The following CTNNA2 variants were observed in gnomAD, a reference collection of about 807,000 sequenced individuals.
CTNNA2 encodes the protein catenin alpha-2.
A neutral mutation model predicts 101.0 loss-of-function variants in CTNNA2; 42 were observed. That is an observed-to-expected ratio of 0.42 (90% CI 0.32 to 0.54). CTNNA2 has a LOEUF of 0.54. CTNNA2 is among the 20% of genes least tolerant of loss of function. The probability of loss-of-function intolerance (pLI) is 0.14; values close to 1 mark genes in which losing one functional copy is unlikely to be tolerated. For missense variants in CTNNA2, 871 were observed against 1,223.1 expected, an observed-to-expected ratio of 0.71 and a Z score of 4.29; for synonymous variants, 450 against 456.4, an observed-to-expected ratio of 0.99 and a Z score of 0.18.
chr2:80,056,328 A>G (rs2104356184), intron 7 of CTNNA2, among the ~76,000 whole-genome samples: 1 of 152,304 alleles, frequency 6.6e-6, no homozygotes, highest in African/African-American at 2.4e-5. Context: ...AATTTCCTTC[A>G]CACCAACCTA....
At chr2:79,659,317 G>A (rs1681848477) in intron 2 of CTNNA2, among the ~76,000 whole-genome samples, 1 of 151,356 alleles carries the variant, frequency 6.6e-6, no homozygotes, top group South Asian at 2.1e-4. Flanking sequence ...TATAAAGTGA[G>A]GCATCATTAT....
chr2:79,335,843 C>A (rs1386614366), intron 3 of CTNNA2, among the ~76,000 whole-genome samples: 3 of 152,098 alleles, frequency 2.0e-5, no homozygotes, highest in Non-Finnish European at 4.4e-5. Context: ...AAAAGTTCAC[C>A]CCAGCCAACT....
intron 2 of CTNNA2, among the ~76,000 whole-genome samples, chr2:79,251,425 C>T (rs145381900): frequency 3.7e-4 from 57 of 152,300 alleles, no homozygotes; most frequent in Middle Eastern, 3.4e-3. Context: ...CTCATCCTCA[C>T]CTCCTGGTAC....
At position 80,374,683 on chromosome 2, in the gene CTNNA2, G is replaced by A. The variant is rs189583925; in HGVS notation, c.1057-18528G>A. 7.7e-3 allele frequency among the ~76,000 whole-genome samples: 744 copies of A among 96,472 alleles called. 2 individuals carry two copies. The highest frequency in any genetic ancestry group is 0.029 in the Middle Eastern group (5 of 174). 63.3% of individuals were successfully genotyped at this position (96,472 alleles called of 152,430 possible). On this transcript the variant is annotated intron_variant, in intron 7 of 18. Transcript: ENST00000402739. ...GTCTTTCCTCTGCGTGCGTGCGTGC[G>A]TGTGTGTGTGTGTGTGTGTGTGTGT...
chr2:79,919,287 C>T (rs935256812), intron 7 of CTNNA2, among the ~76,000 whole-genome samples: 1 of 152,250 alleles, frequency 6.6e-6, no homozygotes, highest in East Asian at 1.9e-4. Context: ...TGAACTCTTC[C>T]TGGTAACAGA....
intron 2 of CTNNA2, among the ~76,000 whole-genome samples, chr2:79,692,408 T>C (rs1399110284): frequency 1.3e-5 from 2 of 152,144 alleles, no homozygotes; most frequent in Non-Finnish European, 2.9e-5. Context: ...AGGAATGCTT[T>C]TACACGGTTG....
Position 80,574,219 on chromosome 2 carries a change from G to A in CTNNA2, c.1798G>A (p.Val600Ile), listed in dbSNP as rs1460075989. The change falls in exon 13 of 19, where the codon GTT becomes ATT. Residue 600 changes from valine to isoleucine, a missense_variant. Physicochemically the swap from Val to Ile is conservative, Grantham distance 29 (BLOSUM62 3). Coordinates refer to ENST00000402739, the MANE Select transcript of CTNNA2 (RefSeq NM_001282597.3). The part of the protein sequence containing the change: ...EVAIEALSAN[V>I]PQPFEENEFI... The stretch of plus-strand genomic sequence containing the variant: ...TGCCATTGAAGCCCTGAGTGCCAAC[G>A]TTCCTCAACCGTTTGAGGAGAATGA... The A allele has an allele frequency of 7.4e-6, 12 of 1,613,614 alleles. No homozygotes were observed. The highest frequency in any genetic ancestry group is 1.7e-5 in the Admixed American group (1 of 59,994).
chr2:80,589,905 T>TGTGTGTGC lies in CTNNA2; in HGVS notation c.2189+421_2189+422insTGTGTGCG, dbSNP rs1491383706. 3.6e-3 allele frequency among the ~76,000 whole-genome samples: 407 copies of TGTGTGTGC among 114,488 alleles called. 4 individuals carry two copies. The highest frequency in any genetic ancestry group is 0.011 in the African/African-American group (368 of 32,226). 75.1% of individuals were successfully genotyped at this position (114,488 alleles called of 152,430 possible). On this transcript the variant is annotated intron_variant, in intron 15 of 18. Transcript: ENST00000402739. The stretch of plus-strand genomic sequence containing the variant: ...GTGTGTGTGTGTGTGTGTGTGTGTG[T>TGTGTGTGC]GCGCGCGCGCGCATGTATACATATA...
intron 4 of CTNNA2, among the ~76,000 whole-genome samples, chr2:79,414,922 G>C (rs1242648496): frequency 6.6e-6 from 1 of 152,122 alleles, no homozygotes; most frequent in Non-Finnish European, 1.5e-5. Context: ...CCCGGCCCAA[G>C]TTGCTGATTC....
intron 3 of CTNNA2, chr2:79,339,995 A>T (rs1349006763): frequency 6.6e-6 from 1 of 152,224 alleles, no homozygotes; most frequent in Admixed American, 6.5e-5. Context: ...GCTCCGTCAG[A>T]TCTCTTCTAA....
chr2:79,519,178 G>A (rs532979336), intron 1 of CTNNA2, among the ~76,000 whole-genome samples: 12 of 147,826 alleles, frequency 8.1e-5, no homozygotes, highest in African/African-American at 2.8e-4. Context: ...GCAGTGAGCC[G>A]AGATGGTGCC....
intron 2 of CTNNA2, among the ~76,000 whole-genome samples, chr2:79,699,577 C>T (rs1038438307): frequency 1.3e-5 from 2 of 151,608 alleles, no homozygotes; most frequent in Admixed American, 6.6e-5. Flanking sequence ...CCATATGGAT[C>T]CAACTTTGCA....
chr2:79,637,445 G>A (rs1680149615), intron 1 of CTNNA2, among the ~76,000 whole-genome samples: 1 of 152,150 alleles, frequency 6.6e-6, no homozygotes, highest in Non-Finnish European at 1.5e-5. Flanking sequence ...GGTGATTCTG[G>A]TCACCTTAGA....
At chr2:79,381,297 A>T (rs1678036671) in intron 4 of CTNNA2, among the ~76,000 whole-genome samples, 1 of 152,182 alleles carries the variant, frequency 6.6e-6, no homozygotes. Context: ...ATTAATAATA[A>T]TAGAAAAACC....
intron 2 of CTNNA2, among the ~76,000 whole-genome samples, chr2:79,208,069 T>G (rs575688212): frequency 6.6e-6 from 1 of 152,266 alleles, no homozygotes; most frequent in South Asian, 2.1e-4. Context: ...GTCTCCCTTC[T>G]CCCTCCTGAT....
chr2:79,719,358 G>C (rs1363982552), intron 2 of CTNNA2, among the ~76,000 whole-genome samples: 2 of 152,118 alleles, frequency 1.3e-5, no homozygotes, highest in African/African-American at 4.8e-5. Flanking sequence ...GTTGTGAACA[G>C]TGCAGTGATG....
intron 3 of CTNNA2, among the ~76,000 whole-genome samples, chr2:79,809,600 T>A (rs1676849211): frequency 6.6e-6 from 1 of 152,196 alleles, no homozygotes; most frequent in Non-Finnish European, 1.5e-5. Context: ...TTGAGAAGTG[T>A]CTATTCATAT....
At chr2:79,798,295 T>C (rs566908319) in intron 3 of CTNNA2, among the ~76,000 whole-genome samples, 1 of 152,322 alleles carries the variant, frequency 6.6e-6, no homozygotes, top group South Asian at 2.1e-4. Flanking sequence ...CTTTTTTGTT[T>C]GTTTGTTTCA....
intron 3 of CTNNA2, among the ~76,000 whole-genome samples, chr2:79,801,391 T>C (rs1025371178): frequency 2.6e-5 from 4 of 152,194 alleles, no homozygotes; most frequent in Non-Finnish European, 5.9e-5. Flanking sequence ...AATGTAATAG[T>C]GGATCGTTTA....
Sources: gnomAD v4.1 joint callset for allele counts (sites outside exome capture counted in the v4.1 genomes callset) on GRCh38, gnomAD v4.1.1 for gene constraint, MANE v1.5 for transcripts, NCBI Gene and HGNC (gene_info 2026-07-23, HGNC 2026-07-21) for gene names.